GLRA2: variants seen among roughly 807,000 people sequenced by gnomAD.
GLRA2 encodes glycine receptor subunit alpha-2.
In GLRA2, 11 loss-of-function variants were observed where a neutral mutation model predicts 31.6. That is an observed-to-expected ratio of 0.35 (90% confidence interval 0.22 to 0.58). The LOEUF is 0.58. Ranked by LOEUF, GLRA2 falls within the 20% of genes least tolerant of loss-of-function variation. The pLI is 0.84. For synonymous variants in GLRA2, 132 were observed against 134.0 expected (o/e 0.99, Z 0.10); for missense variants, 212 against 351.8 (o/e 0.60, Z 3.18).
intron 8 of GLRA2, among the ~76,000 whole-genome samples, chrX:14,714,852 G>A (rs1025071188): frequency 1.8e-5 from 2 of 112,041 alleles, no homozygotes; most frequent in Non-Finnish European, 3.8e-5. Flanking sequence ...CGGATGTTTG[G>A]TAATTACTAT....
the GLRA2 span, among the ~76,000 whole-genome samples, chrX:14,483,946 C>A: frequency 9.0e-6 from 1 of 111,271 alleles, no homozygotes; most frequent in Non-Finnish European, 1.9e-5. Flanking sequence ...CAGCCTACAT[C>A]TTTCTCCCAT....
At chrX:14,470,515 A>T in the GLRA2 span, among the ~76,000 whole-genome samples, 2 of 111,717 alleles carry the variant, frequency 1.8e-5, no homozygotes, top group Non-Finnish European at 3.8e-5. Context: ...CTAAGGAGAG[A>T]GAGGAAAACC....
At chrX:14,727,295 T>C (rs770324191) in intron 8 of GLRA2, among the ~76,000 whole-genome samples, 1 of 112,095 alleles carries the variant, frequency 8.9e-6, no homozygotes, top group Non-Finnish European at 1.9e-5. Context: ...CAGCTCAGCC[T>C]TGACATTATT....
At chrX:14,456,674 A>G in the GLRA2 span, among the ~76,000 whole-genome samples, 15 of 112,649 alleles carry the variant, frequency 1.3e-4, no homozygotes, top group Admixed American at 1.2e-3. Flanking sequence ...CCATGTTACC[A>G]TGAATGACAA....
At chrX:14,519,188 C>T in the GLRA2 span, among the ~76,000 whole-genome samples, 4 of 110,045 alleles carry the variant, frequency 3.6e-5, no homozygotes, top group Non-Finnish European at 7.6e-5. Context: ...AATATTTCAT[C>T]ATATGCCATT....
chrX:14,719,808 C>T (rs1036823319), intron 8 of GLRA2, among the ~76,000 whole-genome samples: 7 of 111,976 alleles, frequency 6.3e-5, no homozygotes, highest in Non-Finnish European at 1.1e-4. Context: ...ACATATCCAT[C>T]AACAGATAAA....
chrX:14,505,903 A>T, the GLRA2 span, among the ~76,000 whole-genome samples: 3 of 111,297 alleles, frequency 2.7e-5, no homozygotes, highest in African/African-American at 9.8e-5. Context: ...TGAAAAACAC[A>T]GTTTTAAAAC....
intron 7 of GLRA2, among the ~76,000 whole-genome samples, chrX:14,609,610 T>A (rs1365407644): frequency 9.0e-6 from 1 of 111,379 alleles, no homozygotes; most frequent in Non-Finnish European, 1.9e-5. Flanking sequence ...TTTAGTGAAG[T>A]CATTTATAGT....
At chrX:14,506,056 A>G in the GLRA2 span, among the ~76,000 whole-genome samples, 6 of 111,407 alleles carry the variant, frequency 5.4e-5, 1 homozygote, top group South Asian at 2.3e-3. Flanking sequence ...CACACACACT[A>G]TCAGAATACA....
At chrX:14,706,653 A>G (rs1294693611) in intron 8 of GLRA2, among the ~76,000 whole-genome samples, 1 of 111,621 alleles carries the variant, frequency 9.0e-6, no homozygotes, top group Non-Finnish European at 1.9e-5. Flanking sequence ...ACCCCATGAA[A>G]GACCTTTTCC....
intron 7 of GLRA2, among the ~76,000 whole-genome samples, chrX:14,680,183 C>A (rs554467048): frequency 2.3e-4 from 26 of 112,253 alleles, no homozygotes; most frequent in African/African-American, 6.1e-4. Context: ...GCTCCATGAT[C>A]TATGTGAATG....
the GLRA2 span, among the ~76,000 whole-genome samples, chrX:14,467,138 G>A: frequency 8.9e-6 from 1 of 112,308 alleles, no homozygotes; most frequent in Admixed American, 9.5e-5. Flanking sequence ...AAGTCTTCAT[G>A]TTTGTTTCTA....
At position 14,532,260 on chromosome X, in the gene GLRA2, T is replaced by C; in HGVS notation, c.90T>C (p.His30=). ...NHFRTAFCKD[H]DSRSGKQPSQ... ...TTAGGACGGCTTTCTGCAAAGACCA[T>C]GACTCCAGGTCTGGAAAACAACCTT... Residue 30 remains histidine, a synonymous_variant, in exon 2 of 9, where the codon CAT becomes CAC. Transcript: ENST00000218075. 2 of 1,182,430 alleles carry C rather than the reference T, an allele frequency of 1.7e-6. No individual in the cohort carries two copies. The highest frequency in any genetic ancestry group is 2.3e-6 in the Non-Finnish European group (2 of 876,759).
chrX:14,710,808 TCTTAA>T (rs2091700723), intron 8 of GLRA2, among the ~76,000 whole-genome samples: 1 of 111,782 alleles, frequency 8.9e-6, no homozygotes, highest in South Asian at 3.7e-4. Flanking sequence ...CTCTTAGACT[TCTTAA>T]CTTAGCAGTT....
the GLRA2 span, among the ~76,000 whole-genome samples, chrX:14,470,295 G>A: frequency 1.8e-5 from 2 of 111,405 alleles, no homozygotes; most frequent in Non-Finnish European, 3.8e-5. Flanking sequence ...TCATAGTAAT[G>A]GTCAGATACA....
chrX:14,623,551 T>TA (rs2090548035), intron 7 of GLRA2, among the ~76,000 whole-genome samples: 1 of 111,826 alleles, frequency 8.9e-6, no homozygotes, highest in African/African-American at 3.3e-5. Context: ...TGAGAGTTTT[T>TA]AGCATGAAGG....
In GLRA2 at chrX:14,554,372, A is replaced by T. The variant is rs1387858640; in HGVS notation, c.203-19961A>T. ...ATGCCTAAGGAAGAAACAAGTCCCC[A>T]TTTGTGGAAGCCACAGAGGAACAGA... On this transcript the variant is annotated intron_variant, in intron 2 of 8. Transcript: ENST00000218075. Among the ~76,000 whole-genome samples the T allele has an allele frequency of 2.7e-5, 3 of 111,952 alleles. No individual in the cohort carries two copies. The Admixed American group carries it at 2.8e-4, about 11-fold the overall frequency.
Position 14,575,673 on chromosome X carries a change from C to T in GLRA2, c.270+1273C>T, listed in dbSNP as rs776096257. ...ACAGGATCTCACTATATTGCCCAGG[C>T]TGGTCTCAAATTCCTGGCCTCGAGC... On this transcript the variant is annotated intron_variant, in intron 3 of 8. Transcript: ENST00000218075. Among the ~76,000 whole-genome samples, 220 of 110,913 alleles carry T rather than the reference C, an allele frequency of 2.0e-3. 3 individuals carry two copies. Among genetic ancestry groups the T allele is most frequent in the Non-Finnish European group, 1.9e-3 (102 of 52,927 alleles).
At chrX:14,675,087 G>A (rs1264360396) in intron 7 of GLRA2, among the ~76,000 whole-genome samples, 1 of 111,696 alleles carries the variant, frequency 9.0e-6, no homozygotes, top group Non-Finnish European at 1.9e-5. Context: ...GTAGTGACGT[G>A]GCAGACATAA....
Sources: gnomAD v4.1 joint callset for allele counts (sites outside exome capture counted in the v4.1 genomes callset) on GRCh38, gnomAD v4.1.1 for gene constraint, MANE v1.5 for transcripts, NCBI Gene and HGNC (gene_info 2026-07-23, HGNC 2026-07-21) for gene names.